The following TRPM1 variants were observed in gnomAD, a reference collection of about 807,000 sequenced individuals.
TRPM1 encodes the protein TRPM1-203 APA Isoform, Intron 10.
TRPM1 carries 113 observed loss-of-function variants against 149.4 expected under a neutral mutation model. That is an observed-to-expected ratio of 0.76 (90% confidence interval 0.65 to 0.88). TRPM1 has a LOEUF of 0.88. TRPM1 is among the 40% of genes least tolerant of loss of function. The probability of loss-of-function intolerance (pLI) is 0.00; values close to 1 mark genes in which losing one functional copy is unlikely to be tolerated. For synonymous variants in TRPM1, 741 were observed against 759.5 expected (o/e 0.98, Z 0.40); for missense variants, 1,976 against 2,038.7 (o/e 0.97, Z 0.59).
In TRPM1 at chr15:31,080,951, C is replaced by T. The variant is rs768459295; in HGVS notation, c.3+402G>A. ...CAGCCTGCCCTACAGGACTTAATGCCACCGGCGGATGAGGGAGCAACAACG... is the reference window on the plus strand; with the variant it reads ...CAGCCTGCCCTACAGGACTTAATGCTACCGGCGGATGAGGGAGCAACAACG... On this transcript the variant is annotated intron_variant, in intron 2 of 27. Coordinates refer to ENST00000256552, the MANE Select transcript of TRPM1 (RefSeq NM_001252024.2). Among the ~76,000 whole-genome samples the T allele has an allele frequency of 3.3e-5, 5 of 152,206 alleles. No homozygotes were observed. In the East Asian group the frequency reaches 7.7e-4, roughly 24 times the overall value.
At chr15:31,102,090 G>A (rs750527527), upstream of TRPM1, among the ~76,000 whole-genome samples, 3 of 152,304 alleles carry the variant, frequency 2.0e-5, no homozygotes, top group East Asian at 1.9e-4. Context: ...TTCGTGCCCC[G>A]GGGAGCTGGG....
At chr15:31,156,432 CT>C (rs2036378734) in intron 1 of TRPM1, among the ~76,000 whole-genome samples, 1 of 152,122 alleles carries the variant, frequency 6.6e-6, no homozygotes, top group Admixed American at 6.5e-5. Context: ...TCTATTGTCT[CT>C]AAGGGTGGCC....
chr15:31,002,086 A>T lies in TRPM1; in HGVS notation c.4614T>A (p.Pro1538=), dbSNP rs775724526. The change falls in exon 28 of 28, where the codon CCT becomes CCA. Residue 1538 remains proline, a synonymous_variant. Transcript: ENST00000256552. ...QDEHHVAEAI[P]RIPRLSLTIT... Reference sequence around the variant, plus strand: ...TGGTTAGGGACAAGCGAGGGATTCGAGGAATTGCTTCAGCGACATGGTGTT... The same window carrying T: ...TGGTTAGGGACAAGCGAGGGATTCGTGGAATTGCTTCAGCGACATGGTGTT... The T allele has an allele frequency of 6.2e-7, 1 of 1,614,250 alleles. No homozygotes were observed. Among genetic ancestry groups the T allele is most frequent in the South Asian group, 1.1e-5 (1 of 91,088 alleles).
chr15:31,111,832 G>C (rs1019561680), intron 1 of TRPM1, among the ~76,000 whole-genome samples: 1 of 152,000 alleles, frequency 6.6e-6, no homozygotes, highest in Non-Finnish European at 1.5e-5. Flanking sequence ...ATGCTTTATC[G>C]CTTCTAAAAT....
intron 1 of TRPM1, among the ~76,000 whole-genome samples, chr15:31,125,183 A>C (rs1333195893): frequency 9.8e-6 from 1 of 101,640 alleles, no homozygotes; most frequent in African/African-American, 4.8e-5. Context: ...GTCTCAAAAA[A>C]CAAAACAAAA....
chr15:31,140,271 T>G (rs984354002), intron 1 of TRPM1, among the ~76,000 whole-genome samples: 1 of 151,134 alleles, frequency 6.6e-6, no homozygotes, highest in African/African-American at 2.4e-5. Context: ...CCCAGCTACT[T>G]GGGAGGCTGA....
chr15:31,143,930 T>A (rs1359600037), intron 1 of TRPM1, among the ~76,000 whole-genome samples: 4 of 152,220 alleles, frequency 2.6e-5, no homozygotes, highest in African/African-American at 9.6e-5. Context: ...TTTGCTCTCT[T>A]TATAACAGGA....
chr15:31,093,888 C>T (rs1414814000), intron 1 of TRPM1, among the ~76,000 whole-genome samples: 1 of 152,022 alleles, frequency 6.6e-6, no homozygotes, highest in Non-Finnish European at 1.5e-5. Context: ...CAAACATGAT[C>T]CCCGCACATG....
At chr15:31,124,154 G>A (rs1419525694) in intron 1 of TRPM1, among the ~76,000 whole-genome samples, 4 of 152,160 alleles carry the variant, frequency 2.6e-5, no homozygotes, top group African/African-American at 9.7e-5. Context: ...GCGTGGTGGT[G>A]CACACCTGCA....
intron 1 of TRPM1, among the ~76,000 whole-genome samples, chr15:31,106,979 G>A (rs1255645645): frequency 6.6e-6 from 1 of 152,136 alleles, no homozygotes; most frequent in Middle Eastern, 3.4e-3. Flanking sequence ...ATTAAGAAAC[G>A]GTTTCTCAAT....
chr15:31,161,065 G>A (rs1457965950), exon 1 of TRPM1: 8 of 1,165,068 alleles, frequency 6.9e-6, no homozygotes, highest in Non-Finnish European at 9.8e-6. Flanking sequence ...CCACACACTC[G>A]GCGGCAGCCC....
chr15:31,035,977 G>T, intron 20 of TRPM1: 1 of 442,304 alleles, frequency 2.3e-6, no homozygotes, highest in South Asian at 2.1e-5. Flanking sequence ...TTATGATAAC[G>T]GGAAACTTTT....
intron 1 of TRPM1, among the ~76,000 whole-genome samples, chr15:31,127,890 G>A (rs1325940506): frequency 6.6e-6 from 1 of 152,176 alleles, no homozygotes; most frequent in African/African-American, 2.4e-5. Context: ...GATGCCAAGG[G>A]GCCTGGAAGT....
Position 31,071,979 on chromosome 15 carries a change from A to AC in TRPM1, c.84-1754dup, listed in dbSNP as rs1229445912. 2.3e-3 allele frequency among the ~76,000 whole-genome samples: 196 copies of AC among 83,550 alleles called. 1 individual carries two copies. Among genetic ancestry groups the AC allele is most frequent in the African/African-American group, 0.01 (182 of 17,834 alleles). The allele number at this position is 83,550 out of a possible 152,430, so 54.8% of individuals were successfully genotyped here. On this transcript the variant is annotated intron_variant, in intron 3 of 27. Coordinates refer to ENST00000256552, the MANE Select transcript of TRPM1 (RefSeq NM_001252024.2). ...ACTCCGTCTCAAAAAAAAAAAAAAA[A>AC]CATATATATATATATATATATATAT...
intron 27 of TRPM1, among the ~76,000 whole-genome samples, chr15:31,008,946 G>T (rs1252300177): frequency 6.6e-6 from 1 of 152,102 alleles, no homozygotes; most frequent in Non-Finnish European, 1.5e-5. Context: ...ATACTTTAAA[G>T]AACTCAGAAA....
intron 1 of TRPM1, among the ~76,000 whole-genome samples, chr15:31,088,840 A>G (rs927059232): frequency 6.7e-6 from 1 of 149,032 alleles, no homozygotes; most frequent in South Asian, 2.2e-4. Context: ...TACCGGGGCG[A>G]TGCGATAAGC....
At chr15:31,009,082 T>C (rs574313261) in intron 27 of TRPM1, among the ~76,000 whole-genome samples, 101 of 152,344 alleles carry the variant, frequency 6.6e-4, no homozygotes, top group African/African-American at 2.3e-3. Flanking sequence ...ATAGTTATTC[T>C]TTTAGAATTG....
In TRPM1 at chr15:31,028,444, C is replaced by T. The variant is rs2032894675; in HGVS notation, c.3181G>A (p.Gly1061Ser). The change falls in exon 25 of 28, where the codon GGC (glycine) becomes AGC (serine). Residue 1061 changes from glycine (G) to serine (S), a missense_variant. Gly to Ser is a moderately conservative substitution (Grantham distance 56, BLOSUM62 0). Transcript: ENST00000256552. ...PCGENLYDEE[G>S]KRLPPCIPGA... ...GGGATACAGGGAGGAAGCCGCTTGC[C>T]CTCCTCATCATATAGGTTCTCACCA... is the stretch of plus-strand genomic sequence containing the variant. The T allele has an allele frequency of 1.2e-6, 2 of 1,613,902 alleles. No individual in the cohort carries two copies. Among genetic ancestry groups the T allele is most frequent in the Non-Finnish European group, 1.7e-6 (2 of 1,180,028 alleles).
chr15:31,033,466 G>A (rs1348587502), intron 21 of TRPM1, among the ~76,000 whole-genome samples: 3 of 152,232 alleles, frequency 2.0e-5, no homozygotes, highest in Non-Finnish European at 4.4e-5. Context: ...AATCACTGCT[G>A]CTTAAGGGGA....
Sources: allele counts gnomAD v4.1 joint callset (sites outside exome capture counted in the v4.1 genomes callset), GRCh38; gene constraint gnomAD v4.1.1; transcripts MANE v1.5; gene names NCBI Gene and HGNC (gene_info 2026-07-23, HGNC 2026-07-21).